BACE2: variants seen among roughly 807,000 people sequenced by gnomAD.
BACE2 encodes 56 kDa aspartic-like protease.
A neutral mutation model predicts 46.2 loss-of-function variants in BACE2; 17 were observed. That is an observed-to-expected ratio of 0.37 (90% CI 0.25 to 0.55). The LOEUF is 0.55. Among genes scored for constraint, BACE2 ranks in the 20% least tolerant of loss-of-function variants. The probability of loss-of-function intolerance (pLI) is 0.82; values close to 1 mark genes in which losing one functional copy is unlikely to be tolerated. For missense variants in BACE2, 595 were observed against 698.1 expected (o/e 0.85, Z 1.66); for synonymous variants, 277 against 295.9 (o/e 0.94, Z 0.66).
chr21:41,212,353 C>T (rs1986326075), intron 1 of BACE2, among the ~76,000 whole-genome samples: 1 of 152,206 alleles, frequency 6.6e-6, no homozygotes, highest in Non-Finnish European at 1.5e-5. Context: ...CTCCCAAAGG[C>T]CTTGCCTCCT....
At chr21:41,244,804 T>C (rs2837982) in intron 5 of BACE2, among the ~76,000 whole-genome samples, 49,793 of 152,020 alleles carry the variant, frequency 0.33, 8,192 homozygotes, top group Middle Eastern at 0.4. Flanking sequence ...CACTTATTTG[T>C]CAATTAAGAA....
At chr21:41,273,083 A>C (rs746194360) in intron 8 of BACE2, among the ~76,000 whole-genome samples, 1 of 152,198 alleles carries the variant, frequency 6.6e-6, no homozygotes, top group African/African-American at 2.4e-5. Flanking sequence ...AGTTTTTATT[A>C]GTGATTTTCA....
intron 1 of BACE2, among the ~76,000 whole-genome samples, chr21:41,204,733 G>C (rs149294437): frequency 9.1e-4 from 139 of 152,232 alleles, no homozygotes; most frequent in African/African-American, 3.1e-3. Context: ...TCTGTATTTT[G>C]CTGGCCATAG....
intron 8 of BACE2, among the ~76,000 whole-genome samples, chr21:41,258,904 T>C (rs768718471): frequency 6.6e-5 from 10 of 152,258 alleles, no homozygotes; most frequent in South Asian, 2.1e-4. Flanking sequence ...TCAGTTATCA[T>C]TGAGTGAGAC....
chr21:41,220,736 A>G (rs1416108019), intron 1 of BACE2, among the ~76,000 whole-genome samples: 1 of 150,906 alleles, frequency 6.6e-6, no homozygotes, highest in East Asian at 1.9e-4. Flanking sequence ...ATTTTTATAT[A>G]TGTGAGATTA....
At chr21:41,195,703 G>A (rs1318726902) in intron 1 of BACE2, among the ~76,000 whole-genome samples, 1 of 152,186 alleles carries the variant, frequency 6.6e-6, no homozygotes, top group African/African-American at 2.4e-5. Context: ...AGACCGCCAA[G>A]CCTAAAGCAG....
chr21:41,243,056 G>A (rs899388282), intron 4 of BACE2, among the ~76,000 whole-genome samples: 43 of 152,110 alleles, frequency 2.8e-4, no homozygotes, highest in Admixed American at 3.3e-4. Context: ...TGGGACTACA[G>A]GTGCGCGCCA....
chr21:41,192,113 G>T (rs1985592146), intron 1 of BACE2, among the ~76,000 whole-genome samples: 1 of 152,186 alleles, frequency 6.6e-6, no homozygotes, highest in African/African-American at 2.4e-5. Context: ...TCCCTTCACT[G>T]CTGTCCTTCA....
rs545622483 is a variant in BACE2, at chr21:41,174,268, G to T, written c.312+5693G>T. ...AGCGATTCTTCTGCCTCAGCCTCCT[G>T]AGTAGCTGCGACTACAGGTGTGTGC... On this transcript the variant is annotated intron_variant, in intron 1 of 8. Coordinates refer to ENST00000330333, the MANE Select transcript of BACE2 (RefSeq NM_012105.5). 2.0e-5 allele frequency among the ~76,000 whole-genome samples: 3 copies of T among 150,872 alleles called. No homozygotes were observed. In the South Asian group the frequency reaches 6.3e-4, roughly 32 times the overall value.
intron 2 of BACE2, among the ~76,000 whole-genome samples, chr21:41,228,964 C>G (rs1032417667): frequency 1.3e-5 from 2 of 152,196 alleles, no homozygotes; most frequent in Non-Finnish European, 2.9e-5. Context: ...TATGATCCAG[C>G]AGATTTCACC....
At chr21:41,205,505 G>A (rs550539456) in intron 1 of BACE2, among the ~76,000 whole-genome samples, 9 of 152,268 alleles carry the variant, frequency 5.9e-5, no homozygotes, top group African/African-American at 1.7e-4. Flanking sequence ...TTATTATTCC[G>A]TCATCTTTGT....
intron 4 of BACE2, among the ~76,000 whole-genome samples, chr21:41,242,881 A>C (rs550805699): frequency 5.3e-5 from 8 of 152,236 alleles, no homozygotes; most frequent in African/African-American, 1.9e-4. Flanking sequence ...TGGACCCATA[A>C]AATTCCTTGT....
In BACE2 at chr21:41,271,148, G is replaced by GT. The variant is rs557159020; in HGVS notation, c.1304-4216dup. ...TCTTTTGATAAGCATTAATATGATAGTTTTTTTCCATCTGTTTAGTTTTAA... is the reference window on the plus strand; with the variant it reads ...TCTTTTGATAAGCATTAATATGATAGTTTTTTTTCCATCTGTTTAGTTTTAA... On this transcript the variant is annotated intron_variant, in intron 8 of 8. Coordinates refer to ENST00000330333, the MANE Select transcript of BACE2 (RefSeq NM_012105.5). 1.2e-4 allele frequency among the ~76,000 whole-genome samples: 19 copies of GT among 152,100 alleles called. No homozygotes were observed. In the East Asian group the frequency reaches 2.9e-3, roughly 23 times the overall value.
chr21:41,222,502 C>A (rs1986689204), intron 1 of BACE2, among the ~76,000 whole-genome samples: 1 of 152,230 alleles, frequency 6.6e-6, no homozygotes, highest in African/African-American at 2.4e-5. Flanking sequence ...TGGGGGATGT[C>A]TGGGGCTTTC....
intron 2 of BACE2, among the ~76,000 whole-genome samples, chr21:41,232,931 C>T (rs1230775786): frequency 6.7e-5 from 10 of 149,656 alleles, no homozygotes; most frequent in African/African-American, 2.2e-4. Context: ...TGCAGTGGCA[C>T]GATATCGGCT....
At chr21:41,241,568 C>T (rs1410301853) in intron 3 of BACE2, among the ~76,000 whole-genome samples, 3 of 152,162 alleles carry the variant, frequency 2.0e-5, no homozygotes, top group African/African-American at 7.2e-5. Flanking sequence ...GTGACTGCGT[C>T]GAATGGCTTC....
chr21:41,265,193 C>T (rs1304901967), intron 8 of BACE2, among the ~76,000 whole-genome samples: 5 of 146,750 alleles, frequency 3.4e-5, no homozygotes, highest in African/African-American at 1.3e-4. Context: ...TTTTTCAAGC[C>T]TCATAGTTTA....
chr21:41,263,894 A>G (rs914206190), intron 8 of BACE2, among the ~76,000 whole-genome samples: 3 of 152,202 alleles, frequency 2.0e-5, no homozygotes, highest in African/African-American at 7.2e-5. Context: ...TTTGTCATCA[A>G]TCTTAGAGAA....
At chr21:41,197,266 G>T (rs1985768285) in intron 1 of BACE2, among the ~76,000 whole-genome samples, 1 of 144,682 alleles carries the variant, frequency 6.9e-6, no homozygotes, top group Non-Finnish European at 1.5e-5. Context: ...AGCCAGCCAG[G>T]TTTTTTTTGT....
Sources: gnomAD v4.1 joint callset for allele counts (sites outside exome capture counted in the v4.1 genomes callset) on GRCh38, gnomAD v4.1.1 for gene constraint, MANE v1.5 for transcripts, NCBI Gene and HGNC (gene_info 2026-07-23, HGNC 2026-07-21) for gene names.